The following PKD1L1 variants were observed in gnomAD, a reference collection of about 807,000 sequenced individuals.
PKD1L1 encodes the protein polycystin-1-like protein 1.
In PKD1L1, 236 loss-of-function variants were observed where a neutral mutation model predicts 323.4. That is an observed-to-expected ratio of 0.73 (90% confidence interval 0.66 to 0.81). The LOEUF (loss-of-function observed/expected upper bound fraction) is 0.81. Among genes scored for constraint, PKD1L1 ranks in the 40% least tolerant of loss-of-function variants. The pLI is 0.00. For missense variants in PKD1L1, 3,320 were observed against 3,508.0 expected (o/e 0.95, Z 1.35); for synonymous variants, 1,344 against 1,335.0 (o/e 1.01, Z -0.15).
chr7:47,880,751 G>A lies in PKD1L1; in HGVS notation c.3497C>T (p.Thr1166Met), dbSNP rs566918758. Residue 1166 changes from threonine to methionine, a missense_variant, in exon 21 of 57, where the codon ACG (threonine) becomes ATG (methionine). Physicochemically the swap from Thr to Met is moderately conservative, Grantham distance 81. Coordinates refer to ENST00000289672, the MANE Select transcript of PKD1L1 (RefSeq NM_138295.5). ...ACCCACAGACACTTGCAGGACGTAC[G>A]TCTCTCCACTGCTCAGAGAGTATGG... ...IKPYSLSSGETYVLQVSVASK... is the reference protein window; with the variant it reads ...IKPYSLSSGEMYVLQVSVASK... 5.0e-6 allele frequency: 8 copies of A among 1,608,004 alleles called. No individual in the cohort carries two copies. Among genetic ancestry groups the A allele is most frequent in the African/African-American group, 2.7e-5 (2 of 74,386 alleles).
At chr7:47,824,509 T>G (rs751101061) in intron 45 of PKD1L1, among the ~76,000 whole-genome samples, 2 of 152,234 alleles carry the variant, frequency 1.3e-5, no homozygotes, top group Non-Finnish European at 2.9e-5. Flanking sequence ...CCCTAGTTCT[T>G]TTCCGTCCTT....
chr7:47,845,152 T>C, intron 32 of PKD1L1, 74 bp from the exon 33 acceptor site: 1 of 1,231,560 alleles, frequency 8.1e-7, no homozygotes, highest in Non-Finnish European at 1.1e-6. Flanking sequence ...GGCATGTTGG[T>C]TAAAGGAATG....
At chr7:47,843,451 C>T (rs73331759) in intron 33 of PKD1L1, among the ~76,000 whole-genome samples, 2,660 of 152,280 alleles carry the variant, frequency 0.017, 93 homozygotes, top group African/African-American at 0.061. Flanking sequence ...GTCTGAGGAA[C>T]TTTCATTGTG....
intron 14 of PKD1L1, among the ~76,000 whole-genome samples, chr7:47,897,076 C>T (rs995726614): frequency 3.3e-5 from 5 of 152,322 alleles, no homozygotes; most frequent in African/African-American, 4.8e-5. Context: ...CTGCCTATTT[C>T]GCGATGAGAT....
chr7:47,929,756 T>C (rs1787729412), intron 6 of PKD1L1, among the ~76,000 whole-genome samples: 1 of 152,160 alleles, frequency 6.6e-6, no homozygotes, highest in Non-Finnish European at 1.5e-5. Context: ...CCTGACCCAC[T>C]GGGTCAGAAA....
At position 47,908,148 on chromosome 7, in the gene PKD1L1, G is replaced by A. The variant is rs758452537; in HGVS notation, c.1331C>T (p.Ala444Val). The change falls in exon 9 of 57, where the codon GCG becomes GTG. Residue 444 changes from alanine (A) to valine (V), a missense_variant. Physicochemically the swap from Ala to Val is moderately conservative, Grantham distance 64. Transcript: ENST00000289672. ...ATGGACACTGCTGGAGTTCATGAAC[G>A]CAGACACGGCCTCATGGCCAATCTC... ...YVEIGHEAVS[A>V]FMNSSSVHED... 23 of 1,614,168 alleles carry A rather than the reference G, an allele frequency of 1.4e-5. No homozygotes were observed. The highest frequency in any genetic ancestry group is 1.9e-5 in the Non-Finnish European group (23 of 1,180,008).
At chr7:47,805,812 C>T (rs1041288350) in intron 52 of PKD1L1, among the ~76,000 whole-genome samples, 3 of 152,226 alleles carry the variant, frequency 2.0e-5, no homozygotes, top group African/African-American at 4.8e-5. Context: ...AGTTGCTTAA[C>T]CTTTCAGAGC....
In PKD1L1 at chr7:47,885,969, A is replaced by C. The variant is rs1203581607; in HGVS notation, c.2922T>G (p.Thr974=). 2 of 1,614,108 alleles carry C rather than the reference A, an allele frequency of 1.2e-6. No homozygotes were observed. Among genetic ancestry groups the C allele is most frequent in the African/African-American group, 2.7e-5 (2 of 74,940 alleles). ...SESSQLNLLP[T]EPGTADPDAT... ...CATCAGGATCTGCAGTGCCAGGCTC[A>C]GTGGGCAGCAGGTTTAACTGTGATG... Residue 974 remains threonine, a synonymous_variant, in exon 18 of 57, where the codon ACT becomes ACG. Transcript: ENST00000289672.
chr7:47,776,381 A>C (rs1430716218), intron 56 of PKD1L1, among the ~76,000 whole-genome samples: 1 of 152,238 alleles, frequency 6.6e-6, no homozygotes, highest in Non-Finnish European at 1.5e-5. Context: ...AGTAACAAAA[A>C]AACAAAACCC....
At chr7:47,891,153 T>A (rs1035706652) in intron 15 of PKD1L1, among the ~76,000 whole-genome samples, 5 of 152,174 alleles carry the variant, frequency 3.3e-5, no homozygotes, top group Non-Finnish European at 5.9e-5. Context: ...GACAGCTCCA[T>A]GTGACAGACA....
chr7:47,888,794 C>G (rs1240028713), intron 16 of PKD1L1, among the ~76,000 whole-genome samples: 5 of 152,094 alleles, frequency 3.3e-5, no homozygotes, highest in African/African-American at 7.2e-5. Context: ...CCTCTAGTCT[C>G]TTTGCTGACC....
chr7:47,839,822 G>A lies in PKD1L1; in HGVS notation c.5553-160C>T, dbSNP rs2128737752. ...TGCAGAGTGACATGTGAAGCCCCCT[G>A]GAACCCGGCCAGAGGATGGGAAATC... On this transcript the variant is annotated intron_variant, in intron 35 of 56. Coordinates refer to ENST00000289672, the MANE Select transcript of PKD1L1 (RefSeq NM_138295.5). The surrounding 1 kb of genome is among the most constrained non-coding windows in gnomAD (Gnocchi z 4.3). 6.6e-6 allele frequency among the ~76,000 whole-genome samples: 1 copy of A among 152,148 alleles called. No homozygotes were observed. The highest frequency in any genetic ancestry group is 1.9e-4 in the East Asian group (1 of 5,184).
intron 19 of PKD1L1, among the ~76,000 whole-genome samples, chr7:47,883,690 G>A (rs78448456): frequency 0.025 from 3,830 of 152,274 alleles, 140 homozygotes; most frequent in African/African-American, 0.084. Flanking sequence ...TGGAGAAGCC[G>A]TGCAGTTGGA....
In PKD1L1 at chr7:47,803,282, A is replaced by C. The variant is rs1275909544; in HGVS notation, c.7890T>G (p.Pro2630=). 1.2e-6 allele frequency: 2 copies of C among 1,614,182 alleles called. No individual in the cohort carries two copies. The highest frequency in any genetic ancestry group is 2.2e-5 in the East Asian group (1 of 44,874). The change falls in exon 53 of 57, where the codon CCT becomes CCG. Residue 2630 remains proline (P), a synonymous_variant. Transcript: ENST00000289672. ...FLFTLKCVYL[P]GIQNTMASCS... Reference sequence around the variant, plus strand: ...AGGATGCCATTGTGTTTTGAATGCCAGGAAGATAGACGCATTTTAATGTGA... The same window carrying C: ...AGGATGCCATTGTGTTTTGAATGCCCGGAAGATAGACGCATTTTAATGTGA...
chr7:47,882,435 G>A (rs544825818), intron 19 of PKD1L1, among the ~76,000 whole-genome samples: 1 of 151,966 alleles, frequency 6.6e-6, no homozygotes, highest in Non-Finnish European at 1.5e-5. Context: ...TAATAGTGAG[G>A]CAGTCCAAAA....
At chr7:47,890,974 C>G (rs1053164803) in intron 15 of PKD1L1, among the ~76,000 whole-genome samples, 3 of 152,288 alleles carry the variant, frequency 2.0e-5, no homozygotes, top group Middle Eastern at 6.8e-3. Context: ...CAGGCCACCC[C>G]TCCCGACTCA....
Position 47,819,685 on chromosome 7 carries a change from C to T in PKD1L1, c.6965+1391G>A. On this transcript the variant is annotated intron_variant, in intron 46 of 56. Coordinates refer to ENST00000289672, the MANE Select transcript of PKD1L1 (RefSeq NM_138295.5). ...CAACTTGGATTACTGAGCTACAGAA[C>T]ACCCAGACTCATAGCACTGGGACTT... 3 of 784,562 alleles carry T rather than the reference C, an allele frequency of 3.8e-6. No homozygotes were observed. The South Asian group carries it at 4.7e-5, about 12-fold the overall frequency. 48.6% of individuals were successfully genotyped at this position (784,562 alleles called of 1,614,324 possible).
At chr7:47,925,345 T>C (rs796612913) in intron 7 of PKD1L1, among the ~76,000 whole-genome samples, 32 of 152,194 alleles carry the variant, frequency 2.1e-4, no homozygotes, top group African/African-American at 7.5e-4. Flanking sequence ...CTCCTGTCTC[T>C]ATTAAAACAG....
At position 47,931,732 on chromosome 7, in the gene PKD1L1, C is replaced by G. The variant is rs375496296; in HGVS notation, c.519+204G>C. On this transcript the variant is annotated intron_variant, in intron 5 of 56. Transcript: ENST00000289672. Reference sequence around the variant, plus strand: ...ACAGCAAAAATGCTCTTACAGAAAGCAAAAATATTTTCCCTTACTGTGGTG... The same window carrying G: ...ACAGCAAAAATGCTCTTACAGAAAGGAAAAATATTTTCCCTTACTGTGGTG... 7.2e-5 allele frequency among the ~76,000 whole-genome samples: 11 copies of G among 152,328 alleles called. No homozygotes were observed. In the East Asian group the frequency reaches 1.2e-3, roughly 16 times the overall value.
Sources: allele counts gnomAD v4.1 joint callset (sites outside exome capture counted in the v4.1 genomes callset), GRCh38; gene constraint gnomAD v4.1.1; non-coding constraint Gnocchi (gnomAD v3.1); transcripts MANE v1.5; gene names NCBI Gene and HGNC (gene_info 2026-07-23, HGNC 2026-07-21).